NPIPB15: variants seen among roughly 807,000 people sequenced by gnomAD.
NPIPB15 encodes nuclear pore complex interacting protein family member B15.
In NPIPB15, 5 loss-of-function variants were observed where a neutral mutation model predicts 35.9. That is an observed-to-expected ratio of 0.14 (90% CI 0.07 to 0.29). The LOEUF (loss-of-function observed/expected upper bound fraction) is 0.29, where lower values mean the gene tolerates loss of function less well. NPIPB15 is among the 10% of genes least tolerant of loss of function. The probability of loss-of-function intolerance (pLI) is 1.00; values close to 1 mark genes in which losing one functional copy is unlikely to be tolerated. For synonymous variants in NPIPB15, 43 were observed against 182.0 expected (o/e 0.24, Z 6.15); for missense variants, 100 against 506.1 (o/e 0.20, Z 7.70).
chr16:74,391,651 T>C lies in NPIPB15; in HGVS notation c.903T>C (p.Tyr301=). 6 of 1,598,578 alleles carry C rather than the reference T, an allele frequency of 3.8e-6. No homozygotes were observed. The highest frequency in any genetic ancestry group is 4.3e-6 in the Non-Finnish European group (5 of 1,172,680). Reference sequence around the variant, plus strand: ...CAGTGGATGATAATCTGAAGGAGTATCTCCTGGTCCCTCTTCCACCCTCTC... The same window carrying C: ...CAGTGGATGATAATCTGAAGGAGTACCTCCTGGTCCCTCTTCCACCCTCTC... ...PPSVDDNLKE[Y]LLVPLPPSPL... Residue 301 remains tyrosine (Y), a synonymous_variant, in exon 8 of 8, where the codon TAT becomes TAC. Coordinates refer to ENST00000692376, the MANE Select transcript of NPIPB15 (RefSeq NM_001306094.2).
intron 2 of NPIPB15, among the ~76,000 whole-genome samples, chr16:74,380,953 G>A (rs1230732602): frequency 6.6e-6 from 1 of 152,200 alleles, no homozygotes; most frequent in Non-Finnish European, 1.5e-5. Context: ...GGCCAGACTG[G>A]CCAACATGGT....
intron 2 of NPIPB15, chr16:74,381,203 GTA>G (rs1272593105): frequency 7.9e-6 from 4 of 503,858 alleles, no homozygotes; most frequent in Admixed American, 7.8e-5. Flanking sequence ...TAGTGTTAGT[GTA>G]TGTTATGTGT....
At chr16:74,389,459 G>A (rs1458951993) in intron 5 of NPIPB15, among the ~76,000 whole-genome samples, 7 of 148,262 alleles carry the variant, frequency 4.7e-5, no homozygotes, top group East Asian at 4.1e-4. Flanking sequence ...TGCAACCTCC[G>A]CCTCCCAGGT....
At chr16:74,382,629 A>G (rs2012052631) in intron 3 of NPIPB15, among the ~76,000 whole-genome samples, 1 of 152,278 alleles carries the variant, frequency 6.6e-6, no homozygotes, top group Non-Finnish European at 1.5e-5. Flanking sequence ...TTGTCTTACC[A>G]TTCATGACAG....
chr16:74,389,309 G>C (rs1439658014), intron 5 of NPIPB15, among the ~76,000 whole-genome samples: 2 of 151,050 alleles, frequency 1.3e-5, no homozygotes, highest in Non-Finnish European at 2.9e-5. Flanking sequence ...GAAGTCAGCA[G>C]GCAGTAAGCA....
intron 3 of NPIPB15, among the ~76,000 whole-genome samples, chr16:74,384,196 C>A (rs1394848326): frequency 3.2e-4 from 32 of 98,636 alleles, no homozygotes; most frequent in Non-Finnish European, 4.5e-4. Context: ...CAGTGCAGAT[C>A]AGGAAGGAGC....
chr16:74,381,363 T>C, intron 2 of NPIPB15, 153 bp from the exon 3 acceptor site: 1 of 886,430 alleles, frequency 1.1e-6, no homozygotes, highest in East Asian at 2.7e-5. Flanking sequence ...TTCTAACTTC[T>C]GTTCTTTTTT....
At chr16:74,380,236 T>C (rs1408497598) in intron 2 of NPIPB15, among the ~76,000 whole-genome samples, 1 of 151,874 alleles carries the variant, frequency 6.6e-6, no homozygotes, top group African/African-American at 2.4e-5. Flanking sequence ...GGTGAAACCC[T>C]GTTTCTACTA....
In NPIPB15 at chr16:74,381,551, G is replaced by C. The variant is rs2011992262; in HGVS notation, c.102G>C (p.Glu34Asp). The change falls in exon 3 of 8, where the codon GAG becomes GAC. Residue 34 changes from glutamate to aspartate, a missense_variant. Physicochemically the swap from Glu to Asp is conservative, Grantham distance 45 (BLOSUM62 2). Transcript: ENST00000692376. Reference protein sequence around the residue: ...INSLAVYRHRETDFGVGVRDH... With the variant: ...INSLAVYRHRDTDFGVGVRDH... ...GTCTGGCTGTCTATCGTCATCGTGA[G>C]ACTGACTTTGGTGTAGGAGTTCGAG... 1 of 1,590,200 alleles carries C rather than the reference G, an allele frequency of 6.3e-7. No homozygotes were observed. Among genetic ancestry groups the C allele is most frequent in the South Asian group, 1.1e-5 (1 of 90,156 alleles).
intron 7 of NPIPB15, chr16:74,391,096 CTGTTA>C: frequency 2.1e-6 from 2 of 949,078 alleles, no homozygotes; most frequent in Non-Finnish European, 2.5e-6. Flanking sequence ...CTTTATTACT[CTGTTA>C]TGACTCTGTC....
intron 2 of NPIPB15, among the ~76,000 whole-genome samples, chr16:74,379,918 G>A (rs1276117221): frequency 1.3e-5 from 2 of 149,522 alleles, no homozygotes; most frequent in Admixed American, 6.7e-5. Flanking sequence ...ACTAAAATTT[G>A]ATACTTATTT....
At chr16:74,383,803 C>T (rs1439802164) in intron 3 of NPIPB15, among the ~76,000 whole-genome samples, 1 of 151,916 alleles carries the variant, frequency 6.6e-6, no homozygotes, top group African/African-American at 2.4e-5. Flanking sequence ...ATAATCCCAG[C>T]TACTTGGGAG....
chr16:74,380,920 C>T (rs1431673602), intron 2 of NPIPB15, among the ~76,000 whole-genome samples: 1 of 152,236 alleles, frequency 6.6e-6, no homozygotes, highest in Non-Finnish European at 1.5e-5. Flanking sequence ...CCGAGGCAGG[C>T]AGATCGCCTG....
At chr16:74,384,399 T>C (rs1224240288) in intron 3 of NPIPB15, among the ~76,000 whole-genome samples, 13 of 104,036 alleles carry the variant, frequency 1.2e-4, no homozygotes, top group Non-Finnish European at 2.1e-4. Flanking sequence ...AGACGGAGTC[T>C]CACTCTGTCA....
rs1185332306 is a variant in NPIPB15, at chr16:74,382,941, C to T, written c.249+1243C>T. On this transcript the variant is annotated intron_variant, in intron 3 of 7. Coordinates refer to ENST00000692376, the MANE Select transcript of NPIPB15 (RefSeq NM_001306094.2). Reference sequence around the variant, plus strand: ...TTTTTTTTTTTTCTTTTCTCACCCCCGAAACGAGTCTCCCTCTGTTGCCCA... The same window carrying T: ...TTTTTTTTTTTTCTTTTCTCACCCCTGAAACGAGTCTCCCTCTGTTGCCCA... Among the ~76,000 whole-genome samples the T allele has an allele frequency of 1.4e-4, 19 of 140,084 alleles. No homozygotes were observed. In the East Asian group the frequency reaches 2.6e-3, roughly 19 times the overall value. 91.9% of individuals were successfully genotyped at this position (140,084 alleles called of 152,430 possible). A position where few individuals can be genotyped will look rare whatever the true frequency, so the allele number is the denominator to read the frequency against.
intron 5 of NPIPB15, chr16:74,388,885 TG>T: frequency 2.1e-6 from 2 of 954,358 alleles, no homozygotes; most frequent in Non-Finnish European, 2.5e-6. Flanking sequence ...CTCTGTACAA[TG>T]TTTAGACCCA....
rs2011682613 is a variant in NPIPB15, at chr16:74,376,770, G to C, written c.-599G>C. Reference sequence around the variant, plus strand: ...AAGAGGAATTCCCAGGCCAGGGGGAGACATTTTATTGCCATGTTATGATCT... The same window carrying C: ...AAGAGGAATTCCCAGGCCAGGGGGACACATTTTATTGCCATGTTATGATCT... On this transcript the variant is annotated 5_prime_UTR_variant, in exon 1 of 8. Coordinates refer to ENST00000692376, the MANE Select transcript of NPIPB15 (RefSeq NM_001306094.2). Among the ~76,000 whole-genome samples the C allele has an allele frequency of 6.7e-6, 1 of 150,028 alleles. No homozygotes were observed. Among genetic ancestry groups the C allele is most frequent in the African/African-American group, 2.4e-5 (1 of 41,036 alleles).
intron 2 of NPIPB15, among the ~76,000 whole-genome samples, chr16:74,379,470 C>A (rs1270333436): frequency 6.6e-6 from 1 of 152,004 alleles, no homozygotes; most frequent in African/African-American, 2.4e-5. Flanking sequence ...GCTGTCTGAA[C>A]TTACTCAGGG....
At chr16:74,391,200 T>C (rs1387870003) in intron 7 of NPIPB15, 191 bp from the exon 8 acceptor site, 2 of 985,336 alleles carry the variant, frequency 2.0e-6, no homozygotes, top group African/African-American at 3.5e-5. Context: ...GACTTTTCTT[T>C]ACTCCCCAGC....
Sources: allele counts gnomAD v4.1 joint callset (sites outside exome capture counted in the v4.1 genomes callset), GRCh38; gene constraint gnomAD v4.1.1; transcripts MANE v1.5; gene names NCBI Gene and HGNC (gene_info 2026-07-23, HGNC 2026-07-21).